The following POC1B variants were observed in gnomAD, a reference collection of about 807,000 sequenced individuals.
POC1B encodes POC1 centriolar protein B.
In POC1B, 44 loss-of-function variants were observed where a neutral mutation model predicts 60.6. The ratio of observed to expected loss-of-function variants is 0.73; its 90% CI spans 0.57 to 0.93. POC1B has a LOEUF of 0.93. Among genes scored for constraint, POC1B ranks in the 40% least tolerant of loss-of-function variants. POC1B has a pLI of 0.00. For missense variants in POC1B, 555 were observed against 572.3 expected (o/e 0.97, Z 0.31); for synonymous variants, 180 against 198.9 (o/e 0.90, Z 0.80).
intron 2 of POC1B, chr12:89,502,172 A>G: frequency 1.7e-6 from 2 of 1,150,138 alleles, no homozygotes; most frequent in African/African-American, 1.5e-5. Context: ...TCCAGGCTCA[A>G]TAATAATTAT....
At chr12:89,413,737 AT>A in the POC1B span, among the ~76,000 whole-genome samples, 1 of 151,534 alleles carries the variant, frequency 6.6e-6, no homozygotes, top group South Asian at 2.1e-4. Context: ...AAAAAAGTGA[AT>A]TTTTTTTTAC....
intron 3 of POC1B, among the ~76,000 whole-genome samples, chr12:89,495,960 C>T (rs1172254458): frequency 1.3e-5 from 2 of 152,076 alleles, no homozygotes; most frequent in Non-Finnish European, 2.9e-5. Flanking sequence ...AGGGTTTCAC[C>T]ATGTTGGCCA....
intron 10 of POC1B, among the ~76,000 whole-genome samples, chr12:89,431,464 C>T: frequency 6.6e-6 from 1 of 151,790 alleles, no homozygotes; most frequent in East Asian, 1.9e-4. Context: ...CACGCACATG[C>T]ACACACACAC....
chr12:89,421,400 C>A, intron 11 of POC1B, 143 bp from the exon 12 acceptor site: 1 of 596,818 alleles, frequency 1.7e-6, no homozygotes, highest in Admixed American at 2.7e-5. Context: ...AGCCCCAGAA[C>A]TTGCTGTGCT....
intron 9 of POC1B, among the ~76,000 whole-genome samples, chr12:89,465,720 A>C (rs962931179): frequency 3.3e-5 from 5 of 152,186 alleles, no homozygotes; most frequent in African/African-American, 4.8e-5. Context: ...AAGAACTGAA[A>C]AGATTGTCAG....
the POC1B span, among the ~76,000 whole-genome samples, chr12:89,412,439 G>A: frequency 4.0e-5 from 6 of 151,162 alleles, no homozygotes; most frequent in South Asian, 2.1e-4. Context: ...AGCACTTTGG[G>A]AGGCCAAGTC....
chr12:89,521,526 T>A (rs1361158096), intron 2 of POC1B: 4 of 153,540 alleles, frequency 2.6e-5, no homozygotes, highest in Admixed American at 1.3e-4. Flanking sequence ...ATTGTAAAGA[T>A]TGCACAGTGA....
chr12:89,445,152 A>T (rs1881720537), intron 10 of POC1B, among the ~76,000 whole-genome samples: 1 of 152,222 alleles, frequency 6.6e-6, no homozygotes, highest in Non-Finnish European at 1.5e-5. Flanking sequence ...GGATAGGAAG[A>T]ATCAATATTG....
intron 1 of POC1B, 159 bp downstream of exon 1, chr12:89,525,722 G>A (rs1247535788): frequency 1.6e-6 from 2 of 1,262,292 alleles, no homozygotes; most frequent in Admixed American, 3.5e-5. Flanking sequence ...CCCGATGGCA[G>A]AGAGTGAGAT....
At chr12:89,524,452 T>C in intron 2 of POC1B, 1 of 1,613,760 alleles carries the variant, frequency 6.2e-7, no homozygotes, top group Admixed American at 1.7e-5. Context: ...TGCGGAGGCA[T>C]GAAAAGTAGA....
At position 89,444,364 on chromosome 12, in the gene POC1B, C is replaced by G. The variant is rs1175939524; in HGVS notation, c.1113+15274G>C. 3.3e-5 allele frequency among the ~76,000 whole-genome samples: 5 copies of G among 152,202 alleles called. No individual in the cohort carries two copies. In the East Asian group the frequency reaches 9.6e-4, roughly 29 times the overall value. ...CGATGCAAAAATCCTCAATAAAATACTGGCAAACTGAATCCAGCAACACAT... is the reference window on the plus strand; with the variant it reads ...CGATGCAAAAATCCTCAATAAAATAGTGGCAAACTGAATCCAGCAACACAT... On this transcript the variant is annotated intron_variant, in intron 10 of 11. Transcript: ENST00000313546.
At chr12:89,522,590 T>C (rs1203125060) in intron 2 of POC1B, 4 of 438,520 alleles carry the variant, frequency 9.1e-6, no homozygotes, top group Non-Finnish European at 1.5e-5. Context: ...AAAACTCTTA[T>C]ATAAAACAAC....
At chr12:89,439,771 T>C (rs552956173) in intron 10 of POC1B, among the ~76,000 whole-genome samples, 1 of 152,072 alleles carries the variant, frequency 6.6e-6, no homozygotes, top group Admixed American at 6.5e-5. Context: ...GCCTGGCTAA[T>C]TTTTTTGTAT....
chr12:89,495,250 C>G (rs1869186306), intron 3 of POC1B, among the ~76,000 whole-genome samples: 1 of 152,214 alleles, frequency 6.6e-6, no homozygotes, highest in East Asian at 1.9e-4. Flanking sequence ...TAAAGGGAGA[C>G]TGAAGTTATG....
chr12:89,408,976 T>C, the POC1B span, among the ~76,000 whole-genome samples: 3,450 of 152,326 alleles, frequency 0.023, 139 homozygotes, highest in African/African-American at 0.08. Flanking sequence ...GGTTTGTTTT[T>C]TTCTTGAAAA....
At chr12:89,507,201 G>A (rs1267756709) in intron 2 of POC1B, among the ~76,000 whole-genome samples, 1 of 141,496 alleles carries the variant, frequency 7.1e-6, no homozygotes, top group African/African-American at 2.6e-5. Flanking sequence ...GGAGATAGAG[G>A]CTGTACTGAG....
Position 89,467,790 on chromosome 12 carries a change from C to T in POC1B, c.811-105G>A, listed in dbSNP as rs1056481742. 9.0e-6 allele frequency: 7 copies of T among 775,718 alleles called. No individual in the cohort carries two copies. In the Admixed American group the frequency reaches 1.2e-4, roughly 13 times the overall value. 48.1% of individuals were successfully genotyped at this position (775,718 alleles called of 1,614,324 possible). A position where few individuals can be genotyped will look rare whatever the true frequency, so the allele number is the denominator to read the frequency against. ...CTCATCCTAATTTATGCATACTACTCATGCAATAAGTCTAATAAAACACAT... is the reference window on the plus strand; with the variant it reads ...CTCATCCTAATTTATGCATACTACTTATGCAATAAGTCTAATAAAACACAT... On this transcript the variant is annotated intron_variant, in intron 7 of 11. Coordinates refer to ENST00000313546, the MANE Select transcript of POC1B (RefSeq NM_172240.3).
chr12:89,464,308 T>G (rs1365841907), intron 9 of POC1B, among the ~76,000 whole-genome samples: 1 of 152,180 alleles, frequency 6.6e-6, no homozygotes, highest in Non-Finnish European at 1.5e-5. Context: ...ATTCTGACTA[T>G]TCCATTCTGT....
At chr12:89,433,231 G>A (rs1214872281) in intron 10 of POC1B, among the ~76,000 whole-genome samples, 1 of 152,162 alleles carries the variant, frequency 6.6e-6, no homozygotes, top group Non-Finnish European at 1.5e-5. Context: ...GGAAAGGGAT[G>A]AGGGGCCAAA....
Sources: gnomAD v4.1 joint callset for allele counts (sites outside exome capture counted in the v4.1 genomes callset) on GRCh38, gnomAD v4.1.1 for gene constraint, MANE v1.5 for transcripts, NCBI Gene and HGNC (gene_info 2026-07-23, HGNC 2026-07-21) for gene names.